Variants in TNC observed in about 807,000 individuals in gnomAD.
TNC encodes the protein tenascin.
A neutral mutation model predicts 202.4 loss-of-function variants in TNC; 109 were observed. That is an observed-to-expected ratio of 0.54 (90% CI 0.46 to 0.63). TNC has a LOEUF of 0.63. TNC is among the 30% of genes least tolerant of loss of function. The pLI, the probability that TNC is intolerant of heterozygous loss-of-function variation, is 0.00. For synonymous variants in TNC, 1,007 were observed against 1,089.7 expected (o/e 0.92, Z 1.50); for missense variants, 2,756 against 2,833.3 (o/e 0.97, Z 0.62).
rs1828956002 is a variant in TNC, at chr9:115,019,874, C to A, written c.*1283G>T. On this transcript the variant is annotated 3_prime_UTR_variant, in exon 28 of 28. Transcript: ENST00000350763. ...AGAATTGAACTCAGGCAGTCTGCCT[C>A]TGGGGATCTTAGCCCATGTGTGGTA... The A allele has an allele frequency of 6.6e-6, 1 of 152,210 alleles. No homozygotes were observed. Among genetic ancestry groups the A allele is most frequent in the Non-Finnish European group, 1.5e-5 (1 of 68,044 alleles). The allele number at this position is 152,210 out of a possible 1,614,324, so 9.4% of individuals were successfully genotyped here.
intron 17 of TNC, 150 bp from the exon 18 acceptor site, chr9:115,042,491 G>A (rs896862543): frequency 1.8e-6 from 2 of 1,106,432 alleles, no homozygotes; most frequent in Admixed American, 2.7e-5. Context: ...GTGATCTGTG[G>A]TTAAGTTGTG....
chr9:115,111,404 T>G (rs1415085849), intron 1 of TNC, among the ~76,000 whole-genome samples: 5 of 110,930 alleles, frequency 4.5e-5, no homozygotes, highest in African/African-American at 6.9e-5. Context: ...TCTCTCTTTT[T>G]TTTTTTTTTT....
chr9:115,034,138 T>C (rs577759005), intron 22 of TNC, among the ~76,000 whole-genome samples: 1 of 152,362 alleles, frequency 6.6e-6, no homozygotes, highest in East Asian at 1.9e-4. Flanking sequence ...CTGGAAAGGT[T>C]GAGCCAGAGA....
intron 7 of TNC, 81 bp from the exon 8 acceptor site, chr9:115,076,656 G>T (rs985916258): frequency 2.0e-6 from 3 of 1,478,812 alleles, no homozygotes; most frequent in Admixed American, 1.9e-5. Context: ...GCTGACATAT[G>T]AAACGTGCCT....
intron 1 of TNC, 83 bp downstream of exon 1, chr9:115,117,899 T>C (rs1837590704): frequency 6.6e-6 from 1 of 152,092 alleles, no homozygotes; most frequent in Admixed American, 6.5e-5. Flanking sequence ...GTAATTATAA[T>C]ATAAAATCAC....
At position 115,067,718 on chromosome 9, in the gene TNC, C is replaced by T. The variant is rs933272242; in HGVS notation, c.3215-2799G>A. Among the ~76,000 whole-genome samples the T allele has an allele frequency of 4.6e-5, 7 of 151,964 alleles. No homozygotes were observed. In the South Asian group the frequency reaches 8.3e-4, roughly 18 times the overall value. The stretch of plus-strand genomic sequence containing the variant: ...ATCTAATTGTCCCCACATCCTGTTT[C>T]ATCTGTTCATATAGTTGATAGAGTG... On this transcript the variant is annotated intron_variant, in intron 10 of 27. Coordinates refer to ENST00000350763, the MANE Select transcript of TNC (RefSeq NM_002160.4).
rs138687252 is a variant in TNC at position 115,090,738 on chromosome 9, C to T, written c.281G>A (p.Gly94Glu). The change falls in exon 2 of 28, where the codon GGG becomes GAG. Residue 94 changes from glycine to glutamate, a missense_variant. By Grantham distance (98) the Gly-to-Glu change is moderately conservative. This residue lies in a region of TNC where 2,559 missense variants were observed against 2,546.0 expected (regional missense o/e 1.01). Coordinates refer to ENST00000350763, the MANE Select transcript of TNC (RefSeq NM_002160.4). ...ATGTGTGAAGACAATCTGGTTTTCC[C>T]CATCCACTGTGTGCTCCTGAAAGCT... ...SESFQEHTVD[G>E]ENQIVFTHRI... 4 of 1,614,086 alleles carry T rather than the reference C, an allele frequency of 2.5e-6. No homozygotes were observed. Among genetic ancestry groups the T allele is most frequent in the African/African-American group, 1.3e-5 (1 of 74,920 alleles).
At chr9:115,107,232 A>C (rs1164790099) in intron 1 of TNC, among the ~76,000 whole-genome samples, 2 of 152,170 alleles carry the variant, frequency 1.3e-5, no homozygotes. Flanking sequence ...AAATATGTAA[A>C]GCTTTGCAGT....
intron 1 of TNC, among the ~76,000 whole-genome samples, chr9:115,104,277 C>G (rs2134119133): frequency 6.6e-6 from 1 of 152,150 alleles, no homozygotes; most frequent in Admixed American, 6.5e-5. Flanking sequence ...AAGTCTTGAG[C>G]CAAGGTTAAG....
chr9:115,098,383 G>C (rs917719373), intron 1 of TNC, among the ~76,000 whole-genome samples: 6 of 152,288 alleles, frequency 3.9e-5, no homozygotes, highest in Admixed American at 2.6e-4. Context: ...TAGTAGAGCT[G>C]TTTGGTAGCT....
chr9:115,038,299 G>A lies in TNC; in HGVS notation c.5474C>T (p.Thr1825Ile). 1.9e-6 allele frequency: 3 copies of A among 1,614,070 alleles called. No individual in the cohort carries two copies. The highest frequency in any genetic ancestry group is 2.2e-5 in the East Asian group (1 of 44,856). Residue 1825 changes from threonine (T) to isoleucine (I), a missense_variant, in exon 20 of 28, where the codon ACT becomes ATT. By Grantham distance (89) the Thr-to-Ile change is moderately conservative. This residue lies in a region of TNC where 2,559 missense variants were observed against 2,546.0 expected (regional missense o/e 1.01). Coordinates refer to ENST00000350763, the MANE Select transcript of TNC (RefSeq NM_002160.4). Reference protein sequence around the residue: ...ALARWQPAIATVDSYVISYTG... With the variant: ...ALARWQPAIAIVDSYVISYTG... ...GTAGGAGATGACATAACTGTCCACA[G>A]TGGCAATGGCTGGCTGCCACCTGGC...
intron 5 of TNC, among the ~76,000 whole-genome samples, chr9:115,082,423 G>T (rs558710010): frequency 6.6e-6 from 1 of 152,286 alleles, no homozygotes; most frequent in South Asian, 2.1e-4. Flanking sequence ...TCTGAGTAGA[G>T]ATTTCTAAGG....
At chr9:115,039,758 C>T (rs1429116678) in intron 19 of TNC, among the ~76,000 whole-genome samples, 3 of 152,344 alleles carry the variant, frequency 2.0e-5, no homozygotes, top group African/African-American at 7.2e-5. Context: ...CTTCACTGTG[C>T]ATGGACAGAA....
intron 15 of TNC, among the ~76,000 whole-genome samples, chr9:115,056,355 G>A (rs1357890170): frequency 6.6e-6 from 1 of 152,122 alleles, no homozygotes; most frequent in Non-Finnish European, 1.5e-5. Context: ...TGTAGCATTA[G>A]AAAGGGGGGC....
In TNC at chr9:115,064,681, A is replaced by G. The variant is rs531664541; in HGVS notation, c.3453T>C (p.Tyr1151=). Residue 1151 remains tyrosine, a synonymous_variant, in exon 11 of 28, where the codon TAT becomes TAC. Transcript: ENST00000350763. ...TVSIYGVIQG[Y]RTPVLSAEAS... is the part of the protein sequence containing the mutation. The stretch of plus-strand genomic sequence containing the variant: ...CCTCAGCAGAGAGCACTGGTGTTCT[A>G]TAGCCCTGGATCACCCCATAGATGG... 14 of 1,613,866 alleles carry G rather than the reference A, an allele frequency of 8.7e-6. No individual in the cohort carries two copies. In the East Asian group the frequency reaches 2.5e-4, roughly 28 times the overall value.
chr9:115,073,178 C>CA (rs573731306), intron 10 of TNC, among the ~76,000 whole-genome samples: 209 of 150,960 alleles, frequency 1.4e-3, no homozygotes, highest in Non-Finnish European at 2.6e-3. Flanking sequence ...ATAACAACAA[C>CA]AAAAAAAATA....
In TNC at chr9:115,117,988, G is replaced by T. The variant is rs1042724506; in HGVS notation, c.-143C>A. ...GAGGGCAAAACAGACTTACCTTTCC[G>T]ATGGGCGAGAGACCTAGGTCCTTGG... On this transcript the variant is annotated 5_prime_UTR_variant, in exon 1 of 28. Transcript: ENST00000350763. The T allele has an allele frequency of 6.6e-6, 1 of 152,178 alleles. No homozygotes were observed. The highest frequency in any genetic ancestry group is 2.4e-5 in the African/African-American group (1 of 41,426). The allele number at this position is 152,178 out of a possible 1,614,324, so 9.4% of individuals were successfully genotyped here.
At chr9:115,115,846 T>C (rs945705929) in intron 1 of TNC, among the ~76,000 whole-genome samples, 1 of 152,226 alleles carries the variant, frequency 6.6e-6, no homozygotes, top group African/African-American at 2.4e-5. Flanking sequence ...GTGACCCCAC[T>C]TCAACCAAAG....
At chr9:115,081,337 T>G (rs996547234) in intron 6 of TNC, among the ~76,000 whole-genome samples, 2 of 152,228 alleles carry the variant, frequency 1.3e-5, no homozygotes, top group Non-Finnish European at 2.9e-5. Flanking sequence ...GAAACTCCTT[T>G]CATCAAGAGA....
Sources: gnomAD v4.1 joint callset for allele counts (sites outside exome capture counted in the v4.1 genomes callset) on GRCh38, gnomAD v4.1.1 for gene constraint, gnomAD v4.1.1 regional missense constraint, MANE v1.5 for transcripts, NCBI Gene and HGNC (gene_info 2026-07-23, HGNC 2026-07-21) for gene names.